Variants in PROSER2 observed in about 807,000 individuals in gnomAD.
PROSER2 encodes proline and serine rich 2.
A neutral mutation model predicts 14.6 loss-of-function variants in PROSER2; 18 were observed. The observed-to-expected ratio is 1.23, with a 90% CI of 0.85 to 1.83. The LOEUF is 1.83. PROSER2 is among the 40% of genes most tolerant of loss of function. The probability of loss-of-function intolerance (pLI) is 0.00; values close to 1 mark genes in which losing one functional copy is unlikely to be tolerated. For missense variants in PROSER2, 823 were observed against 629.8 expected, an observed-to-expected ratio of 1.31 and a Z score of -3.28; for synonymous variants, 367 against 286.4, an observed-to-expected ratio of 1.28 and a Z score of -2.84.
chr10:11,868,568 A>G (rs1341963811), intron 3 of PROSER2, among the ~76,000 whole-genome samples: 3 of 152,186 alleles, frequency 2.0e-5, no homozygotes, highest in Admixed American at 1.3e-4. Flanking sequence ...CACACCTGGC[A>G]TATTCATAAC....
Position 11,870,348 on chromosome 10 carries a change from C to G in PROSER2, c.1250C>G (p.Ser417Trp). The G allele has an allele frequency of 1.3e-6, 2 of 1,508,474 alleles. No individual in the cohort carries two copies. Among genetic ancestry groups the G allele is most frequent in the Non-Finnish European group, 1.8e-6 (2 of 1,131,044 alleles). The allele number at this position is 1,508,474 out of a possible 1,614,324, so 93.4% of individuals were successfully genotyped here. ...ITVQFAGRGS[S>W]EEARREALRK... is the part of the protein sequence containing the mutation. ...GTGCAGTTCGCGGGCCGCGGCTCCT[C>G]GGAGGAGGCGCGCAGGGAGGCCCTG... Residue 417 changes from serine (S) to tryptophan (W), a missense_variant, in exon 4 of 4, where the codon TCG becomes TGG. Physicochemically the swap from Ser to Trp is radical, Grantham distance 177. Transcript: ENST00000277570.
chr10:11,861,206 C>T lies in PROSER2; in HGVS notation c.139-5325C>T, dbSNP rs111670894. On this transcript the variant is annotated intron_variant, in intron 2 of 3. Transcript: ENST00000277570. Reference sequence around the variant, plus strand: ...GATGACTGTGCCTTGTTCCTTGTTGCTTAACTCTCATCCAGTTCTTTCAGG... The same window carrying T: ...GATGACTGTGCCTTGTTCCTTGTTGTTTAACTCTCATCCAGTTCTTTCAGG... 7.2e-5 allele frequency among the ~76,000 whole-genome samples: 11 copies of T among 152,352 alleles called. 3 individuals are homozygous for T. Among genetic ancestry groups the T allele is most frequent in the African/African-American group, 2.4e-4 (10 of 41,570 alleles).
chr10:11,824,634 C>A (rs926896433), intron 1 of PROSER2, among the ~76,000 whole-genome samples: 1 of 152,154 alleles, frequency 6.6e-6, no homozygotes, highest in African/African-American at 2.4e-5. Flanking sequence ...TGTCTAAAAT[C>A]TTTCTTGCCA....
intron 1 of PROSER2, among the ~76,000 whole-genome samples, chr10:11,843,287 A>T (rs1399067954): frequency 4.0e-5 from 6 of 150,568 alleles, no homozygotes; most frequent in Admixed American, 1.3e-4. Context: ...GTGCAGTGGC[A>T]CACACCTGTA....
rs1354309441 is a variant in PROSER2 at position 11,865,146 on chromosome 10, AC to A, written c.139-1384del. 6.7e-6 allele frequency among the ~76,000 whole-genome samples: 1 copy of A among 149,636 alleles called. No homozygotes were observed. The highest frequency in any genetic ancestry group is 1.5e-5 in the Non-Finnish European group (1 of 67,200). On this transcript the variant is annotated intron_variant, in intron 2 of 3. Transcript: ENST00000277570. This position sits in a 1 kb window ranked among gnomAD's most constrained non-coding sequence, Gnocchi z 4.2. ...ATTTTCTCTGATTTCTCTCTCTGGA[AC>A]TCTCATTATTCACATAGTGGCCCTC...
chr10:11,853,662 G>T (rs1232251778), intron 2 of PROSER2, among the ~76,000 whole-genome samples: 1 of 152,084 alleles, frequency 6.6e-6, no homozygotes, highest in Middle Eastern at 3.2e-3. Context: ...GTCCAGGTGG[G>T]GCGCCATTCC....
At position 11,830,208 on chromosome 10, in the gene PROSER2, G is replaced by A. The variant is rs1416787544; in HGVS notation, c.-82+6738G>A. Among the ~76,000 whole-genome samples the A allele has an allele frequency of 6.6e-6, 1 of 151,928 alleles. No homozygotes were observed. The highest frequency in any genetic ancestry group is 1.5e-5 in the Non-Finnish European group (1 of 67,972). ...ACCTTCCCACCTTTTGGAGTCTCCC[G>A]TGTCCATTATTTCACTCTGTGCATT... On this transcript the variant is annotated intron_variant, in intron 1 of 3. Coordinates refer to ENST00000277570, the MANE Select transcript of PROSER2 (RefSeq NM_153256.4). This position sits in a 1 kb window ranked among gnomAD's most constrained non-coding sequence, Gnocchi z 4.5.
chr10:11,842,047 C>T (rs1423574534), intron 1 of PROSER2, among the ~76,000 whole-genome samples: 9 of 152,090 alleles, frequency 5.9e-5, no homozygotes, highest in Non-Finnish European at 1.2e-4. Flanking sequence ...ACATGTGGAA[C>T]CCCATCTCTA....
intron 1 of PROSER2, among the ~76,000 whole-genome samples, chr10:11,848,986 A>G (rs970223899): frequency 5.3e-5 from 8 of 152,142 alleles, no homozygotes; most frequent in African/African-American, 1.9e-4. Context: ...CAAGAGATCA[A>G]GACCATCCTG....
intron 2 of PROSER2, 44 bp downstream of exon 2, chr10:11,852,259 G>A (rs1232005223): frequency 6.4e-7 from 1 of 1,553,952 alleles, no homozygotes; most frequent in Admixed American, 1.9e-5. Flanking sequence ...GCCTGGGTCA[G>A]TGGATTTTGC....
chr10:11,869,851 C>G lies in PROSER2; in HGVS notation c.753C>G (p.Pro251=), dbSNP rs976182926. Reference sequence around the variant, plus strand: ...GCCACCCGGCGCAGCCCAAGGCACCCCGCTTCCCCAGCAACATCATCGTCA... The same window carrying G: ...GCCACCCGGCGCAGCCCAAGGCACCGCGCTTCCCCAGCAACATCATCGTCA... ...GPSHPAQPKA[P]RFPSNIIVTN... is the part of the protein sequence containing the mutation. The change falls in exon 4 of 4, where the codon CCC becomes CCG. Residue 251 remains proline, a synonymous_variant. Coordinates refer to ENST00000277570, the MANE Select transcript of PROSER2 (RefSeq NM_153256.4). The surrounding 1 kb of genome is among the most constrained non-coding windows in gnomAD (Gnocchi z 4.4). 8 of 1,589,926 alleles carry G rather than the reference C, an allele frequency of 5.0e-6. No homozygotes were observed. In the African/African-American group the frequency reaches 9.4e-5, roughly 19 times the overall value.
Position 11,870,401 on chromosome 10 carries a change from T to TCGTGAGGGC in PROSER2, c.1306_*6dup. ...GAAGCTGGGGCTGCTCAGGGAGAGT[T>TCGTGAGGGC]CGTGAGGGCCGCGCGGGCTCCAGTC... On this transcript the variant is annotated stop_gained and inframe_insertion, in exon 4 of 4. Coordinates refer to ENST00000277570, the MANE Select transcript of PROSER2 (RefSeq NM_153256.4). LOFTEE classifies it high-confidence loss of function. The TCGTGAGGGC allele has an allele frequency of 2.7e-6, 4 of 1,495,102 alleles. No individual in the cohort carries two copies. Among genetic ancestry groups the TCGTGAGGGC allele is most frequent in the South Asian group, 2.6e-5 (2 of 77,672 alleles). 92.6% of individuals were successfully genotyped at this position (1,495,102 alleles called of 1,614,324 possible). A position where few individuals can be genotyped will look rare whatever the true frequency, so the allele number is the denominator to read the frequency against.
Position 11,870,039 on chromosome 10 carries a change from A to G in PROSER2, c.941A>G (p.Glu314Gly). ...GCCCCAGGGGGCGGCTCCTCCCCGGAGCGGGTGGCGCGTGGCCGGGGCCTG... is the reference window on the plus strand; with the variant it reads ...GCCCCAGGGGGCGGCTCCTCCCCGGGGCGGGTGGCGCGTGGCCGGGGCCTG... ...EGAPGGGSSP[E>G]RVARGRGLPG... The change falls in exon 4 of 4, where the codon GAG becomes GGG. Residue 314 changes from glutamate to glycine, a missense_variant. Physicochemically the swap from Glu to Gly is moderately conservative, Grantham distance 98 (BLOSUM62 -2). Coordinates refer to ENST00000277570, the MANE Select transcript of PROSER2 (RefSeq NM_153256.4). 4.0e-6 allele frequency: 5 copies of G among 1,237,492 alleles called. No individual in the cohort carries two copies. Among genetic ancestry groups the G allele is most frequent in the Non-Finnish European group, 3.0e-6 (3 of 991,094 alleles). The allele number at this position is 1,237,492 out of a possible 1,614,324, so 76.7% of individuals were successfully genotyped here.
At chr10:11,829,191 A>C (rs1833656906) in intron 1 of PROSER2, among the ~76,000 whole-genome samples, 1 of 152,050 alleles carries the variant, frequency 6.6e-6, no homozygotes, top group African/African-American at 2.4e-5. Flanking sequence ...TGAGGAAGAC[A>C]GAATAGAAAA....
At chr10:11,861,388 T>TTG (rs1834235389) in intron 2 of PROSER2, among the ~76,000 whole-genome samples, 1 of 152,170 alleles carries the variant, frequency 6.6e-6, no homozygotes, top group African/African-American at 2.4e-5. Context: ...GCTGATCTTA[T>TTG]CTGAAGCCCT....
rs181904551 is a variant in PROSER2 at position 11,864,764 on chromosome 10, T to G, written c.139-1767T>G. 4.5e-3 allele frequency among the ~76,000 whole-genome samples: 690 copies of G among 152,108 alleles called. 3 individuals are homozygous for G. Among genetic ancestry groups the G allele is most frequent in the African/African-American group, 0.016 (660 of 41,476 alleles). ...CCACCATGCCCGGCTAATTTTTGTATCTTTAGTAGAGACAGGATTTTACCA... is the reference window on the plus strand; with the variant it reads ...CCACCATGCCCGGCTAATTTTTGTAGCTTTAGTAGAGACAGGATTTTACCA... On this transcript the variant is annotated intron_variant, in intron 2 of 3. Transcript: ENST00000277570.
chr10:11,847,206 A>T (rs1202050768), intron 1 of PROSER2, among the ~76,000 whole-genome samples: 2 of 149,552 alleles, frequency 1.3e-5, no homozygotes, highest in Non-Finnish European at 3.0e-5. Flanking sequence ...GCTTTTCTTC[A>T]ACCCCATTTT....
intron 1 of PROSER2, among the ~76,000 whole-genome samples, chr10:11,826,993 T>C (rs1833624739): frequency 6.7e-6 from 1 of 150,008 alleles, no homozygotes; most frequent in South Asian, 2.1e-4. Flanking sequence ...CAAGTGATCC[T>C]CCCACCTCAG....
rs778677863 is a variant in PROSER2 at position 11,869,603 on chromosome 10, G to A, written c.505G>A (p.Asp169Asn). 4 of 1,602,566 alleles carry A rather than the reference G, an allele frequency of 2.5e-6. No homozygotes were observed. The highest frequency in any genetic ancestry group is 2.2e-5 in the East Asian group (1 of 44,588). ...GCCACCACCCCTGCCTAGCACCCCC[G>A]ATCCCCCCAGGAGGGAGCTGCGCGC... ...LAPPPLPSTP[D>N]PPRRELRAPS... The change falls in exon 4 of 4, where the codon GAT becomes AAT. Residue 169 changes from aspartate (D) to asparagine (N), a missense_variant. By Grantham distance (23) the Asp-to-Asn change is conservative. Coordinates refer to ENST00000277570, the MANE Select transcript of PROSER2 (RefSeq NM_153256.4). This position sits in a 1 kb window ranked among gnomAD's most constrained non-coding sequence, Gnocchi z 4.4.
Sources: allele counts gnomAD v4.1 joint callset (sites outside exome capture counted in the v4.1 genomes callset), GRCh38; gene constraint gnomAD v4.1.1; non-coding constraint Gnocchi (gnomAD v3.1); transcripts MANE v1.5; gene names NCBI Gene and HGNC (gene_info 2026-07-23, HGNC 2026-07-21).